Variants in PARVB observed in about 807,000 individuals in gnomAD.
PARVB encodes parvin beta, also known as beta-parvin.
Under a neutral mutation model 47.0 loss-of-function variants are expected in PARVB, and 46 were observed. The ratio of observed to expected loss-of-function variants is 0.98; its 90% CI spans 0.77 to 1.25. The LOEUF (loss-of-function observed/expected upper bound fraction) is 1.25, where lower values mean the gene tolerates loss of function less well. Among genes scored for constraint, PARVB ranks in the 50% most tolerant of loss-of-function variants. PARVB has a pLI of 0.00. For synonymous variants in PARVB, 196 were observed against 196.3 expected, an observed-to-expected ratio of 1.00 and a Z score of 0.01; for missense variants, 473 against 471.6, an observed-to-expected ratio of 1.00 and a Z score of -0.03.
At chr22:44,166,146 G>A (rs1241144403) in intron 12 of PARVB, among the ~76,000 whole-genome samples, 2 of 152,094 alleles carry the variant, frequency 1.3e-5, no homozygotes, top group Non-Finnish European at 2.9e-5. Flanking sequence ...GTCTTACTTT[G>A]TCACCCAGGC....
chr22:44,045,904 C>A (rs1053774832), intron 1 of PARVB, among the ~76,000 whole-genome samples: 1 of 152,150 alleles, frequency 6.6e-6, no homozygotes, highest in African/African-American at 2.4e-5. Flanking sequence ...TTTGGGATCC[C>A]TCGAGATTCC....
At chr22:44,119,390 G>A (rs1045734377) in intron 4 of PARVB, among the ~76,000 whole-genome samples, 1 of 152,226 alleles carries the variant, frequency 6.6e-6, no homozygotes, top group Non-Finnish European at 1.5e-5. Flanking sequence ...AAAACTGCCT[G>A]CGGCTCCCAT....
intron 2 of PARVB, among the ~76,000 whole-genome samples, chr22:44,097,896 T>G (rs1168587625): frequency 6.6e-6 from 1 of 151,982 alleles, no homozygotes; most frequent in Non-Finnish European, 1.5e-5. Flanking sequence ...GACGCCCCAT[T>G]CCTCTCAGTG....
chr22:44,101,751 A>G (rs2052453176), intron 3 of PARVB, among the ~76,000 whole-genome samples: 1 of 140,496 alleles, frequency 7.1e-6, no homozygotes, highest in Non-Finnish European at 1.5e-5. Context: ...TCCATCTCAC[A>G]GAAAAAAAAA....
At chr22:44,041,655 A>G (rs974433370) in intron 1 of PARVB, among the ~76,000 whole-genome samples, 1 of 152,162 alleles carries the variant, frequency 6.6e-6, no homozygotes, top group African/African-American at 2.4e-5. Flanking sequence ...AGGCTAAGGC[A>G]GGAGGATTGC....
rs1186054789 is a variant in PARVB, at chr22:44,049,572, T to A, written c.112+25121T>A. ...GAGGTCAATCAGATTCCTCCAGCGA[T>A]AAAAGGCCTGCTGAGGAAGCGGCCC... On this transcript the variant is annotated intron_variant, in intron 1 of 12. Transcript: ENST00000338758. This position sits in a 1 kb window ranked among gnomAD's most constrained non-coding sequence, Gnocchi z 4.0. 6.6e-6 allele frequency among the ~76,000 whole-genome samples: 1 copy of A among 152,230 alleles called. No homozygotes were observed. The highest frequency in any genetic ancestry group is 1.5e-5 in the Non-Finnish European group (1 of 68,038).
At chr22:44,019,701 C>T (rs1450012897), upstream of PARVB, among the ~76,000 whole-genome samples, 4 of 152,140 alleles carry the variant, frequency 2.6e-5, no homozygotes, top group Admixed American at 6.5e-5. Flanking sequence ...GTGCGGGGGA[C>T]GGCCAGCTCT....
In PARVB at chr22:44,125,774, G is replaced by C. The variant is rs1441976617; in HGVS notation, c.377-5713G>C. 6.6e-6 allele frequency among the ~76,000 whole-genome samples: 1 copy of C among 152,172 alleles called. No individual in the cohort carries two copies. The highest frequency in any genetic ancestry group is 1.5e-5 in the Non-Finnish European group (1 of 68,022). ...TAGGGCTGTGACGTGGATTGGGTTA[G>C]AGTTTAAAAGGTCACTTAGGCTTCT... is the stretch of plus-strand genomic sequence containing the variant. On this transcript the variant is annotated intron_variant, in intron 4 of 12. Transcript: ENST00000338758. The surrounding 1 kb of genome is among the most constrained non-coding windows in gnomAD (Gnocchi z 4.1).
intron 12 of PARVB, among the ~76,000 whole-genome samples, chr22:44,164,586 G>C (rs1043342896): frequency 6.6e-6 from 1 of 152,198 alleles, no homozygotes; most frequent in Non-Finnish European, 1.5e-5. Flanking sequence ...AACATTAAAG[G>C]CTTTGACAAG....
intron 2 of PARVB, among the ~76,000 whole-genome samples, chr22:44,002,646 T>C (rs1251674726): frequency 3.3e-5 from 5 of 152,150 alleles, no homozygotes; most frequent in African/African-American, 1.2e-4. Flanking sequence ...AGGAGAACAC[T>C]GTAAAGAGCA....
At chr22:44,014,706 A>G (rs2050558041) in intron 2 of PARVB, among the ~76,000 whole-genome samples, 1 of 152,194 alleles carries the variant, frequency 6.6e-6, no homozygotes, top group Admixed American at 6.5e-5. Flanking sequence ...CCAGGCCAGG[A>G]AGGAGGAAAG....
At chr22:44,164,796 A>G (rs1403176842) in intron 12 of PARVB, among the ~76,000 whole-genome samples, 1 of 152,176 alleles carries the variant, frequency 6.6e-6, no homozygotes, top group Non-Finnish European at 1.5e-5. Flanking sequence ...TGTTGCCAGC[A>G]TCCGCTCAAC....
intron 2 of PARVB, among the ~76,000 whole-genome samples, chr22:44,099,031 C>G (rs2052377496): frequency 6.6e-6 from 1 of 152,138 alleles, no homozygotes. Flanking sequence ...CCATGGGAGC[C>G]TGTCTGGGCT....
chr22:44,035,319 C>G, intron 1 of PARVB, among the ~76,000 whole-genome samples: 3 of 151,944 alleles, frequency 2.0e-5, no homozygotes, highest in Admixed American at 2.0e-4. Context: ...TACAACATCT[C>G]AAGCTATTCA....
chr22:44,100,537 G>A (rs2052418327), intron 3 of PARVB, among the ~76,000 whole-genome samples: 1 of 152,112 alleles, frequency 6.6e-6, no homozygotes, highest in Admixed American at 6.5e-5. Flanking sequence ...TCCTGGCCAG[G>A]AGCCATCTGA....
chr22:44,145,943 G>A (rs2053655181), intron 8 of PARVB: 1 of 150,504 alleles, frequency 6.6e-6, no homozygotes, highest in Non-Finnish European at 1.5e-5. Context: ...CTGTCTTATT[G>A]AGTGTAGTCT....
intron 1 of PARVB, 124 bp from the exon 2 acceptor site, chr22:44,093,804 T>G: frequency 1.5e-6 from 1 of 651,826 alleles, no homozygotes; most frequent in East Asian, 2.7e-5. Flanking sequence ...AACAGACCTT[T>G]TAGGAATGTT....
intron 1 of PARVB, among the ~76,000 whole-genome samples, chr22:44,030,449 C>T (rs142295500): frequency 1.1e-3 from 169 of 152,298 alleles, no homozygotes; most frequent in Non-Finnish European, 2.0e-3. Flanking sequence ...GGGCTGTGGC[C>T]AGCCCTGGTC....
intron 1 of PARVB, among the ~76,000 whole-genome samples, chr22:44,088,159 G>C (rs1296776990): frequency 6.6e-6 from 1 of 152,156 alleles, no homozygotes; most frequent in African/African-American, 2.4e-5. Flanking sequence ...GGGATTCTAA[G>C]CTCTCTGTTG....
Sources: gnomAD v4.1 joint callset for allele counts (sites outside exome capture counted in the v4.1 genomes callset) on GRCh38, gnomAD v4.1.1 for gene constraint, Gnocchi (gnomAD v3.1) non-coding constraint, MANE v1.5 for transcripts, NCBI Gene and HGNC (gene_info 2026-07-23, HGNC 2026-07-21) for gene names.